Variants in CAST observed in about 807,000 individuals in gnomAD.
CAST encodes the protein calpastatin.
CAST carries 76 observed loss-of-function variants against 119.6 expected under a neutral mutation model. The observed-to-expected ratio is 0.64, with a 90% CI of 0.53 to 0.77. The LOEUF (loss-of-function observed/expected upper bound fraction) is 0.77. Among genes scored for constraint, CAST ranks in the 30% least tolerant of loss-of-function variants. The probability of loss-of-function intolerance (pLI) is 0.00; values close to 1 mark genes in which losing one functional copy is unlikely to be tolerated. For missense variants in CAST, 953 were observed against 946.5 expected (o/e 1.01, Z -0.09); for synonymous variants, 319 against 331.6 (o/e 0.96, Z 0.41).
chr5:96,472,153 A>G, the CAST span, among the ~76,000 whole-genome samples: 1 of 152,278 alleles, frequency 6.6e-6, no homozygotes, highest in South Asian at 2.1e-4. Context: ...TTTCAATATC[A>G]AAAGTAGAAA....
Position 96,771,635 on chromosome 5 carries a change from C to T in CAST, c.2341-9C>T. On this transcript the variant is annotated splice_polypyrimidine_tract_variant and intron_variant, in intron 30 of 31. Transcript: ENST00000675179. ...GAAAGCTCACGGATGGTTTTGCTTT[C>T]CCTTTTAGACAACAGAGGAAACTTC... The T allele has an allele frequency of 3.7e-6, 6 of 1,610,246 alleles. No individual in the cohort carries two copies. Among genetic ancestry groups the T allele is most frequent in the Non-Finnish European group, 5.1e-6 (6 of 1,177,200 alleles).
intron 1 of CAST, among the ~76,000 whole-genome samples, chr5:96,548,572 C>T (rs1363461530): frequency 1.3e-5 from 2 of 152,072 alleles, no homozygotes; most frequent in East Asian, 3.9e-4. Flanking sequence ...TGCTGCGGGC[C>T]TCTGCTACGC....
Position 96,743,498 on chromosome 5 carries a change from G to A in CAST, c.1200+742G>A, listed in dbSNP as rs142574054. On this transcript the variant is annotated intron_variant, in intron 16 of 31. Coordinates refer to ENST00000675179, the MANE Select transcript of CAST (RefSeq NM_001750.7). ...CCCCACCTCCATCAGCTCAGGCTGG[G>A]GGTGCTGGCAGGCATTGCTGTCACA... is the stretch of plus-strand genomic sequence containing the variant. 10,149 of 1,328,226 alleles carry A rather than the reference G, an allele frequency of 7.6e-3. 60 individuals are homozygous for A. The highest frequency in any genetic ancestry group is 9.3e-3 in the Non-Finnish European group (9,255 of 991,192). The allele number at this position is 1,328,226 out of a possible 1,614,324, so 82.3% of individuals were successfully genotyped here.
chr5:95,978,189 G>A, the CAST span, among the ~76,000 whole-genome samples: 1 of 152,108 alleles, frequency 6.6e-6, no homozygotes, highest in Non-Finnish European at 1.5e-5. Flanking sequence ...GGGTTGACCG[G>A]TAGTTCTGTT....
At chr5:96,448,104 T>G in the CAST span, among the ~76,000 whole-genome samples, 5 of 152,142 alleles carry the variant, frequency 3.3e-5, no homozygotes, top group African/African-American at 4.8e-5. Context: ...TGGAATATTT[T>G]TATGCAACTG....
At chr5:96,542,659 G>A (rs148074640) in intron 1 of CAST, among the ~76,000 whole-genome samples, 1 of 105,398 alleles carries the variant, frequency 9.5e-6, no homozygotes, top group African/African-American at 3.2e-5. Flanking sequence ...TTTTCTTATT[G>A]TTTAATTTTT....
At chr5:96,003,863 T>C in the CAST span, among the ~76,000 whole-genome samples, 2 of 152,232 alleles carry the variant, frequency 1.3e-5, no homozygotes, top group African/African-American at 2.4e-5. Flanking sequence ...TGATAAACTT[T>C]CTGATAGGGG....
rs142239838 is a variant in CAST at position 96,723,077 on chromosome 5, G to A, written c.270+379G>A. ...CCCATCTCGGCCTCTTGAGTAGCTG[G>A]GGCTACAGAGGCACACCACCATGCC... is the stretch of plus-strand genomic sequence containing the variant. On this transcript the variant is annotated intron_variant, in intron 4 of 31. Transcript: ENST00000675179. Among the ~76,000 whole-genome samples the A allele has an allele frequency of 2.8e-3, 432 of 152,092 alleles. 4 individuals carry two copies. Among genetic ancestry groups the A allele is most frequent in the Non-Finnish European group, 2.0e-3 (137 of 68,014 alleles).
the CAST span, chr5:95,961,879 C>T: frequency 7.6e-6 from 7 of 925,930 alleles, no homozygotes; most frequent in Admixed American, 1.2e-4. Flanking sequence ...GGACTGCCAC[C>T]GCCGCCACCC....
the CAST span, among the ~76,000 whole-genome samples, chr5:96,363,442 C>T: frequency 2.6e-5 from 4 of 151,986 alleles, no homozygotes; most frequent in African/African-American, 4.8e-5. Context: ...GCCATTTTCA[C>T]GATATTGATT....
At chr5:96,035,683 T>C in the CAST span, among the ~76,000 whole-genome samples, 91 of 151,918 alleles carry the variant, frequency 6.0e-4, no homozygotes, top group Non-Finnish European at 1.1e-3. Context: ...TAAAAGGGAA[T>C]GTTGAGAATT....
chr5:96,744,907 T>G (rs1176476132), intron 16 of CAST, among the ~76,000 whole-genome samples: 1 of 152,246 alleles, frequency 6.6e-6, no homozygotes, highest in Non-Finnish European at 1.5e-5. Context: ...TGATAGCCCA[T>G]TATAAGTCTC....
At chr5:96,738,559 G>T (rs987559606) in intron 11 of CAST, among the ~76,000 whole-genome samples, 1 of 152,036 alleles carries the variant, frequency 6.6e-6, no homozygotes. Flanking sequence ...ACTAGAACTT[G>T]TTTTGATTTC....
chr5:96,422,232 G>C, the CAST span, among the ~76,000 whole-genome samples: 1 of 152,064 alleles, frequency 6.6e-6, no homozygotes, highest in Non-Finnish European at 1.5e-5. Flanking sequence ...ATTGGAGTTG[G>C]AAGGAATTAG....
chr5:96,726,288 T>A (rs1759234295), intron 4 of CAST, among the ~76,000 whole-genome samples: 1 of 152,220 alleles, frequency 6.6e-6, no homozygotes, highest in African/African-American at 2.4e-5. Context: ...TAAAATATCA[T>A]ACTAAAGATG....
chr5:96,085,725 C>T, the CAST span, among the ~76,000 whole-genome samples: 1 of 152,198 alleles, frequency 6.6e-6, no homozygotes, highest in Non-Finnish European at 1.5e-5. Flanking sequence ...TTCTCAAGCC[C>T]ATCAGCAGCT....
the CAST span, among the ~76,000 whole-genome samples, chr5:96,520,205 G>A: frequency 6.6e-6 from 1 of 152,244 alleles, no homozygotes; most frequent in African/African-American, 2.4e-5. Context: ...TCTTTCAGAG[G>A]TTTCTCATTA....
chr5:96,603,594 C>T (rs1336442597), intron 1 of CAST, among the ~76,000 whole-genome samples: 4 of 152,112 alleles, frequency 2.6e-5, no homozygotes, highest in Non-Finnish European at 5.9e-5. Flanking sequence ...TCAGGAATAT[C>T]TCTTGAAGGA....
At chr5:96,105,795 G>A in the CAST span, among the ~76,000 whole-genome samples, 7 of 152,186 alleles carry the variant, frequency 4.6e-5, no homozygotes, top group Non-Finnish European at 1.0e-4. Context: ...GATTGGAATA[G>A]TTTCAGAAGG....
Sources: allele counts gnomAD v4.1 joint callset (sites outside exome capture counted in the v4.1 genomes callset), GRCh38; gene constraint gnomAD v4.1.1; transcripts MANE v1.5; gene names NCBI Gene and HGNC (gene_info 2026-07-23, HGNC 2026-07-21).